LRMDA: variants seen among roughly 807,000 people sequenced by gnomAD.
LRMDA encodes the protein leucine-rich melanocyte differentiation-associated protein.
In LRMDA, 18 loss-of-function variants were observed where a neutral mutation model predicts 29.8. That is an observed-to-expected ratio of 0.60 (90% CI 0.42 to 0.90). The LOEUF (loss-of-function observed/expected upper bound fraction) is 0.90. Ranked by LOEUF, LRMDA falls within the 40% of genes least tolerant of loss-of-function variation. The pLI is 0.00. For synonymous variants in LRMDA, 125 were observed against 109.4 expected, an observed-to-expected ratio of 1.14 and a Z score of -0.89; for missense variants, 273 against 273.9, an observed-to-expected ratio of 1.00 and a Z score of 0.02.
At chr10:75,507,277 T>C (rs550571474) in intron 2 of LRMDA, among the ~76,000 whole-genome samples, 2 of 152,236 alleles carry the variant, frequency 1.3e-5, no homozygotes, top group South Asian at 4.1e-4. Context: ...CTACAGCCTA[T>C]TGGGGGCGAC....
rs377452084 is a variant in LRMDA, at chr10:75,685,922, T to C, written c.131+247428T>C. On this transcript the variant is annotated intron_variant, in intron 2 of 6. Coordinates refer to ENST00000611255, the MANE Select transcript of LRMDA (RefSeq NM_001305581.2). ...ATATGCCAGCTACAGTTCTAAGTGCTTTACATGCACCTCATTTAATCATTA... is the reference window on the plus strand; with the variant it reads ...ATATGCCAGCTACAGTTCTAAGTGCCTTACATGCACCTCATTTAATCATTA... Among the ~76,000 whole-genome samples the C allele has an allele frequency of 7.7e-4, 117 of 152,336 alleles. 3 individuals are homozygous for C. The South Asian group carries it at 0.024, about 32-fold the overall frequency.
chr10:76,461,817 A>G (rs1554822346), intron 6 of LRMDA, among the ~76,000 whole-genome samples: 1 of 152,092 alleles, frequency 6.6e-6, no homozygotes, highest in Non-Finnish European at 1.5e-5. Context: ...GCACACACCT[A>G]TAATTCCAGA....
chr10:75,509,334 A>T (rs1170938941), intron 2 of LRMDA, among the ~76,000 whole-genome samples: 1 of 152,236 alleles, frequency 6.6e-6, no homozygotes, highest in Non-Finnish European at 1.5e-5. Context: ...AAAGAAAAAA[A>T]TAAGCAAATA....
intron 2 of LRMDA, among the ~76,000 whole-genome samples, chr10:75,923,787 G>A (rs1380816980): frequency 6.6e-6 from 1 of 152,114 alleles, no homozygotes; most frequent in Non-Finnish European, 1.5e-5. Flanking sequence ...TCAGAGGAAT[G>A]ACCTTCCATT....
At chr10:76,028,806 C>G (rs1848103161) in intron 2 of LRMDA, among the ~76,000 whole-genome samples, 1 of 148,794 alleles carries the variant, frequency 6.7e-6, no homozygotes, top group South Asian at 2.1e-4. Context: ...TTATGAGAAG[C>G]TTATTCAAAG....
At chr10:76,093,618 G>A (rs2395338) in intron 5 of LRMDA, among the ~76,000 whole-genome samples, 5,828 of 151,402 alleles carry the variant, frequency 0.038, 381 homozygotes, top group African/African-American at 0.13. Flanking sequence ...TTCATTGCCC[G>A]ACTTAAGAAC....
intron 2 of LRMDA, among the ~76,000 whole-genome samples, chr10:75,441,557 A>G (rs1388805795): frequency 4.6e-5 from 7 of 152,182 alleles, no homozygotes; most frequent in Admixed American, 2.0e-4. Context: ...TCTCCTTGCC[A>G]CAGAGAATTT....
intron 3 of LRMDA, among the ~76,000 whole-genome samples, chr10:76,045,203 T>G (rs2132038966): frequency 6.6e-6 from 1 of 151,470 alleles, no homozygotes; most frequent in East Asian, 2.0e-4. Context: ...CTTGCTAGTT[T>G]CGCCCTCTGG....
At chr10:75,733,761 C>T (rs968947890) in intron 2 of LRMDA, among the ~76,000 whole-genome samples, 1 of 152,146 alleles carries the variant, frequency 6.6e-6, no homozygotes, top group African/African-American at 2.4e-5. Flanking sequence ...GAGACAGACA[C>T]ATCTTTTAAG....
chr10:75,962,159 A>G (rs1303369302), intron 2 of LRMDA, among the ~76,000 whole-genome samples: 1 of 152,216 alleles, frequency 6.6e-6, no homozygotes, highest in African/African-American at 2.4e-5. Flanking sequence ...ACTTCAATAC[A>G]TGAATTTCAG....
intron 5 of LRMDA, among the ~76,000 whole-genome samples, chr10:76,207,362 A>G (rs1424071181): frequency 6.6e-6 from 1 of 152,208 alleles, no homozygotes. Context: ...GACCACTGCC[A>G]CAAGTCTCAG....
At chr10:76,331,871 A>C (rs1447305623) in intron 6 of LRMDA, among the ~76,000 whole-genome samples, 3 of 152,186 alleles carry the variant, frequency 2.0e-5, no homozygotes, top group African/African-American at 7.2e-5. Flanking sequence ...TCCTTTATTT[A>C]ATCGAGGTGA....
At chr10:76,239,898 T>C (rs1473562932) in intron 5 of LRMDA, among the ~76,000 whole-genome samples, 2 of 151,940 alleles carry the variant, frequency 1.3e-5, no homozygotes, top group Non-Finnish European at 2.9e-5. Flanking sequence ...GTGCTAATCA[T>C]TACATTTTAT....
intron 5 of LRMDA, among the ~76,000 whole-genome samples, chr10:76,264,219 C>A (rs866452938): frequency 6.6e-6 from 1 of 151,706 alleles, no homozygotes; most frequent in Non-Finnish European, 1.5e-5. Context: ...GCCAACATAG[C>A]AAAACACTGT....
intron 6 of LRMDA, chr10:76,465,005 C>G (rs985710019): frequency 2.6e-5 from 4 of 152,212 alleles, no homozygotes; most frequent in African/African-American, 9.7e-5. Context: ...GCAGACCGCA[C>G]TGCAGAGGCT....
intron 5 of LRMDA, among the ~76,000 whole-genome samples, chr10:76,249,297 T>A (rs991717388): frequency 6.6e-6 from 1 of 152,224 alleles, no homozygotes; most frequent in Non-Finnish European, 1.5e-5. Flanking sequence ...GTGAGATGCT[T>A]CTGTCATAAA....
intron 6 of LRMDA, among the ~76,000 whole-genome samples, chr10:76,525,215 GT>G (rs1843162265): frequency 6.6e-6 from 1 of 152,178 alleles, no homozygotes; most frequent in Admixed American, 6.5e-5. Flanking sequence ...ACAAGAATTT[GT>G]GTTTCTAATG....
chr10:75,909,313 A>G (rs2132374590), intron 2 of LRMDA, among the ~76,000 whole-genome samples: 1 of 152,306 alleles, frequency 6.6e-6, no homozygotes, highest in Non-Finnish European at 1.5e-5. Flanking sequence ...ATGAAATCAT[A>G]TGTGGGATCC....
intron 2 of LRMDA, among the ~76,000 whole-genome samples, chr10:75,454,271 T>C (rs1357572640): frequency 1.3e-5 from 2 of 151,958 alleles, no homozygotes; most frequent in Admixed American, 1.3e-4. Context: ...GGTTTTATGG[T>C]TTGTTTTGGG....
Sources: gnomAD v4.1 joint callset for allele counts (sites outside exome capture counted in the v4.1 genomes callset) on GRCh38, gnomAD v4.1.1 for gene constraint, MANE v1.5 for transcripts, NCBI Gene and HGNC (gene_info 2026-07-23, HGNC 2026-07-21) for gene names.